XRCC4: variants seen among roughly 807,000 people sequenced by gnomAD.
XRCC4 encodes X-ray repair cross complementing 4, also known as DNA repair protein XRCC4.
In XRCC4, 28 loss-of-function variants were observed where a neutral mutation model predicts 39.1. The observed-to-expected ratio is 0.72, with a 90% CI of 0.53 to 0.98. The LOEUF (loss-of-function observed/expected upper bound fraction) is 0.98, where lower values mean the gene tolerates loss of function less well. Among genes scored for constraint, XRCC4 ranks in the 50% least tolerant of loss-of-function variants. The pLI, the probability that XRCC4 is intolerant of heterozygous loss-of-function variation, is 0.00. For missense variants in XRCC4, 350 were observed against 376.4 expected (o/e 0.93, Z 0.58); for synonymous variants, 123 against 126.4 (o/e 0.97, Z 0.18).
rs1276054958 is a variant in XRCC4, at chr5:83,353,558, A to T, written c.*316A>T. ...ATATTATATGTGATAGCTGTCCAAC[A>T]TCCTGTCTGGGAAGATTTTGAAAAC... On this transcript the variant is annotated 3_prime_UTR_variant, in exon 8 of 8. Coordinates refer to ENST00000396027, the MANE Select transcript of XRCC4 (RefSeq NM_003401.5). The T allele has an allele frequency of 5.7e-6, 1 of 175,434 alleles. No individual in the cohort carries two copies. The highest frequency in any genetic ancestry group is 1.5e-4 in the East Asian group (1 of 6,648). The allele number at this position is 175,434 out of a possible 1,614,324, so 10.9% of individuals were successfully genotyped here.
intron 3 of XRCC4, among the ~76,000 whole-genome samples, chr5:83,185,039 T>C (rs1256613300): frequency 6.6e-6 from 1 of 152,086 alleles, no homozygotes; most frequent in African/African-American, 2.4e-5. Context: ...TAGAGATTTC[T>C]AAGGTTCCCA....
intron 6 of XRCC4, among the ~76,000 whole-genome samples, chr5:83,217,358 C>CAAAAAAAAAAAAAAAAAAA (rs59416363): frequency 1.4e-4 from 13 of 96,146 alleles, no homozygotes; most frequent in African/African-American, 5.2e-4. Context: ...GACTCCGTCT[C>CAAAAAAAAAAAAAAAAAAA]AAAAAAAAAA....
intron 7 of XRCC4, among the ~76,000 whole-genome samples, chr5:83,265,693 T>C (rs1753930310): frequency 6.6e-6 from 1 of 152,198 alleles, no homozygotes; most frequent in Non-Finnish European, 1.5e-5. Flanking sequence ...AAAACTTTTT[T>C]TTAATGTATT....
chr5:83,169,932 T>A (rs1749647619), intron 3 of XRCC4, among the ~76,000 whole-genome samples: 1 of 152,216 alleles, frequency 6.6e-6, no homozygotes, highest in African/African-American at 2.4e-5. Context: ...TAAATTTTAT[T>A]TCTACCCTAA....
At chr5:83,144,558 CCCCCCCCACCCCCA>C (rs1748357234) in intron 3 of XRCC4, among the ~76,000 whole-genome samples, 1 of 87,658 alleles carries the variant, frequency 1.1e-5, no homozygotes, top group Non-Finnish European at 2.2e-5. Flanking sequence ...CCCCACCCCC[CCCCCCCCACCCCCA>C]CGGATTGGCT....
intron 1 of XRCC4, among the ~76,000 whole-genome samples, chr5:83,080,525 C>CAA (rs33921507): frequency 7.8e-6 from 1 of 128,368 alleles, no homozygotes; most frequent in Non-Finnish European, 1.7e-5. Flanking sequence ...GACTCCATCT[C>CAA]AAAAAAAAAA....
intron 7 of XRCC4, chr5:83,259,092 G>T: frequency 5.7e-6 from 1 of 175,202 alleles, no homozygotes; most frequent in Non-Finnish European, 1.2e-5. Flanking sequence ...CTCATCATCT[G>T]TTTATTTCTA....
chr5:83,332,508 G>A (rs538926889), intron 7 of XRCC4, among the ~76,000 whole-genome samples: 276 of 152,254 alleles, frequency 1.8e-3, no homozygotes, highest in African/African-American at 6.4e-3. Flanking sequence ...TGCTTGCTAA[G>A]TATTTGTCAA....
At chr5:83,094,246 G>A (rs1224805959) in intron 1 of XRCC4, among the ~76,000 whole-genome samples, 2 of 151,212 alleles carry the variant, frequency 1.3e-5, no homozygotes, top group Non-Finnish European at 2.9e-5. Flanking sequence ...TATAGGTTAG[G>A]TCTCTTGATG....
At chr5:83,356,776 A>C (rs1307839491), downstream of XRCC4, 1 of 454,480 alleles carries the variant, frequency 2.2e-6, no homozygotes. Flanking sequence ...ACAGAAATTG[A>C]GTTACAATGC....
At chr5:83,249,135 A>G (rs1753217774) in intron 6 of XRCC4, among the ~76,000 whole-genome samples, 1 of 152,060 alleles carries the variant, frequency 6.6e-6, no homozygotes, top group South Asian at 2.1e-4. Flanking sequence ...TCCCCACCTA[A>G]TTTTATGGAT....
chr5:83,209,548 A>G (rs1751558681), intron 6 of XRCC4, among the ~76,000 whole-genome samples: 1 of 152,128 alleles, frequency 6.6e-6, no homozygotes, highest in East Asian at 1.9e-4. Context: ...TTCAAAAAGC[A>G]TGCAAATATT....
At chr5:83,096,822 C>T (rs552106986) in intron 1 of XRCC4, among the ~76,000 whole-genome samples, 1 of 152,284 alleles carries the variant, frequency 6.6e-6, no homozygotes, top group African/African-American at 2.4e-5. Context: ...CCAATACTTA[C>T]CCATAACAAT....
At chr5:83,362,294 C>CAA in the XRCC4 span, among the ~76,000 whole-genome samples, 55 of 73,134 alleles carry the variant, frequency 7.5e-4, no homozygotes, top group South Asian at 1.6e-3. Flanking sequence ...GCTATTTAGG[C>CAA]AAAAAAAAAA....
intron 6 of XRCC4, among the ~76,000 whole-genome samples, chr5:83,232,440 T>C (rs1481863122): frequency 6.6e-6 from 1 of 152,030 alleles, no homozygotes; most frequent in Non-Finnish European, 1.5e-5. Context: ...TTATAAAAAA[T>C]TATTTCTGGG....
chr5:83,216,790 T>G (rs867098980), intron 6 of XRCC4, among the ~76,000 whole-genome samples: 25 of 152,114 alleles, frequency 1.6e-4, no homozygotes, highest in African/African-American at 5.8e-4. Context: ...GAAAACCGAT[T>G]AAATGTTTGC....
At chr5:83,230,209 A>G (rs1752447883) in intron 6 of XRCC4, among the ~76,000 whole-genome samples, 1 of 152,032 alleles carries the variant, frequency 6.6e-6, no homozygotes, top group South Asian at 2.1e-4. Flanking sequence ...AAGCAATTTT[A>G]CCTCTCCTAA....
chr5:83,342,143 T>C (rs770063099), intron 7 of XRCC4, among the ~76,000 whole-genome samples: 1 of 152,222 alleles, frequency 6.6e-6, no homozygotes, highest in Non-Finnish European at 1.5e-5. Context: ...TTTTTAAGTA[T>C]CTGTGTACTT....
At chr5:83,130,007 G>C (rs963125133) in intron 3 of XRCC4, among the ~76,000 whole-genome samples, 2 of 152,122 alleles carry the variant, frequency 1.3e-5, no homozygotes, top group Non-Finnish European at 2.9e-5. Flanking sequence ...ACACTGTGTT[G>C]AATAGGGGTG....
Sources: allele counts gnomAD v4.1 joint callset (sites outside exome capture counted in the v4.1 genomes callset), GRCh38; gene constraint gnomAD v4.1.1; transcripts MANE v1.5; gene names NCBI Gene and HGNC (gene_info 2026-07-23, HGNC 2026-07-21).